The following SLC25A13 variants were observed in gnomAD, a reference collection of about 807,000 sequenced individuals.
The protein encoded by SLC25A13 is solute carrier family 25 member 13.
A neutral mutation model predicts 85.5 loss-of-function variants in SLC25A13; 70 were observed. The ratio of observed to expected loss-of-function variants is 0.82; its 90% confidence interval spans 0.68 to 1.00. The LOEUF (loss-of-function observed/expected upper bound fraction) is 1.00, where lower values mean the gene tolerates loss of function less well. SLC25A13 is among the 50% of genes least tolerant of loss of function. The probability of loss-of-function intolerance (pLI) is 0.00; values close to 1 mark genes in which losing one functional copy is unlikely to be tolerated. For synonymous variants in SLC25A13, 259 were observed against 288.7 expected (o/e 0.90, Z 1.04); for missense variants, 765 against 819.8 (o/e 0.93, Z 0.82).
At chr7:96,253,648 T>G (rs1363902012) in intron 3 of SLC25A13, among the ~76,000 whole-genome samples, 1 of 152,188 alleles carries the variant, frequency 6.6e-6, no homozygotes, top group Non-Finnish European at 1.5e-5. Context: ...TCGAAGCCCT[T>G]TCCTGTATGA....
chr7:96,199,689 GGT>G (rs1180214432), intron 5 of SLC25A13, among the ~76,000 whole-genome samples: 7 of 151,966 alleles, frequency 4.6e-5, no homozygotes, highest in African/African-American at 1.5e-4. Flanking sequence ...CCTCTATTCT[GGT>G]GCATGATGAT....
At chr7:96,307,463 G>A (rs992145569) in intron 1 of SLC25A13, among the ~76,000 whole-genome samples, 8 of 152,188 alleles carry the variant, frequency 5.3e-5, no homozygotes, top group South Asian at 4.1e-4. Context: ...CTACTCAGGA[G>A]GCTGAGGTGG....
At chr7:96,265,160 CCT>C (rs1404296268) in intron 3 of SLC25A13, among the ~76,000 whole-genome samples, 1 of 152,142 alleles carries the variant, frequency 6.6e-6, no homozygotes, top group Non-Finnish European at 1.5e-5. Flanking sequence ...GAACTTTTCT[CCT>C]CTCTGTTACC....
At chr7:96,200,547 AC>A (rs982921983) in intron 5 of SLC25A13, among the ~76,000 whole-genome samples, 1 of 145,294 alleles carries the variant, frequency 6.9e-6, no homozygotes, top group Non-Finnish European at 1.5e-5. Flanking sequence ...ACCTCCCCCC[AC>A]CCCCCATTTG....
intron 3 of SLC25A13, among the ~76,000 whole-genome samples, chr7:96,250,037 G>A (rs930949245): frequency 6.6e-6 from 1 of 152,044 alleles, no homozygotes; most frequent in African/African-American, 2.4e-5. Context: ...ATAAAAATTA[G>A]CCAGGTGTGG....
chr7:96,183,861 G>C (rs1794513643), intron 11 of SLC25A13, among the ~76,000 whole-genome samples: 1 of 152,142 alleles, frequency 6.6e-6, no homozygotes, highest in African/African-American at 2.4e-5. Context: ...GCAAAAGAGA[G>C]CTCTACTGAA....
rs377359177 is a variant in SLC25A13, at chr7:96,184,476, T to C, written c.1019-41A>G. ...ATCATTATCTCAGAAGAAAGTAAGA[T>C]AGGTCAGAAGAAAGAAGAAGGTAGT... On this transcript the variant is annotated intron_variant, in intron 10 of 17. Coordinates refer to ENST00000265631, the MANE Select transcript of SLC25A13 (RefSeq NM_014251.3). The C allele has an allele frequency of 9.7e-5, 154 of 1,591,236 alleles. No individual in the cohort carries two copies. In the African/African-American group the frequency reaches 1.9e-3, roughly 20 times the overall value.
At chr7:96,153,985 G>A (rs1000872454) in intron 13 of SLC25A13, among the ~76,000 whole-genome samples, 2 of 152,144 alleles carry the variant, frequency 1.3e-5, no homozygotes, top group African/African-American at 4.8e-5. Context: ...TAGATTCAAT[G>A]TTGCAAATAC....
At chr7:96,206,817 G>A (rs541764454) in intron 5 of SLC25A13, among the ~76,000 whole-genome samples, 2 of 152,296 alleles carry the variant, frequency 1.3e-5, no homozygotes, top group African/African-American at 4.8e-5. Context: ...ATATCTGGAG[G>A]AAGGCCCAGA....
intron 3 of SLC25A13, among the ~76,000 whole-genome samples, chr7:96,267,273 A>G (rs1682807534): frequency 6.6e-6 from 1 of 152,222 alleles, no homozygotes; most frequent in Non-Finnish European, 1.5e-5. Context: ...AGGTATATAA[A>G]AATGATTTTA....
rs1443224558 is a variant in SLC25A13, at chr7:96,173,177, A to C, written c.1178-1653T>G. On this transcript the variant is annotated intron_variant, in intron 11 of 17. Transcript: ENST00000265631. ...TGAATACAGCTTCATGTTTTCATGG[A>C]AAAATGGGAGGAAGTCCTTCATTGT... Among the ~76,000 whole-genome samples the C allele has an allele frequency of 3.3e-5, 5 of 152,390 alleles. No individual in the cohort carries two copies. The East Asian group carries it at 9.6e-4, about 29-fold the overall frequency.
intron 4 of SLC25A13, among the ~76,000 whole-genome samples, chr7:96,232,283 A>G (rs928685023): frequency 2.0e-5 from 3 of 152,186 alleles, no homozygotes; most frequent in African/African-American, 7.2e-5. Context: ...CATGTCCTCT[A>G]CAGGAACTTG....
chr7:96,189,552 C>CAAAAAAAAAAAAA (rs11335226), intron 8 of SLC25A13, 29 bp downstream of exon 8: 1 of 1,248,462 alleles, frequency 8.0e-7, no homozygotes, highest in African/African-American at 1.7e-5. Flanking sequence ...AAGCTAATTC[C>CAAAAAAAAAAAAA]AAAAAAAAAA....
chr7:96,244,976 G>A (rs1797130820), intron 3 of SLC25A13, among the ~76,000 whole-genome samples: 2 of 150,140 alleles, frequency 1.3e-5, no homozygotes, highest in Admixed American at 1.3e-4. Context: ...ATATATATAG[G>A]CTCTCGTAAT....
At chr7:96,295,373 A>T (rs964788902) in intron 2 of SLC25A13, among the ~76,000 whole-genome samples, 9 of 152,228 alleles carry the variant, frequency 5.9e-5, no homozygotes, top group Non-Finnish European at 1.3e-4. Context: ...AGAAAAGAAA[A>T]TTTTTCAAAC....
rs538570056 is a variant in SLC25A13 at position 96,317,036 on chromosome 7, G to A, written c.15+4906C>T. Among the ~76,000 whole-genome samples the A allele has an allele frequency of 2.9e-3, 439 of 152,144 alleles. 2 individuals are homozygous for A. Among genetic ancestry groups the A allele is most frequent in the African/African-American group, 9.8e-3 (406 of 41,522 alleles). ...CCAGGCTGGAGTGCAATGGCACGAC[G>A]TCAGCTCACTGCAACCTCCGCCTCC... On this transcript the variant is annotated intron_variant, in intron 1 of 17. Coordinates refer to ENST00000265631, the MANE Select transcript of SLC25A13 (RefSeq NM_014251.3).
chr7:96,194,173 G>A (rs1794963334), intron 5 of SLC25A13, among the ~76,000 whole-genome samples: 1 of 151,468 alleles, frequency 6.6e-6, no homozygotes, highest in South Asian at 2.1e-4. Flanking sequence ...AGTAGCTCAT[G>A]CCTGTAATCC....
At chr7:96,188,921 G>A (rs992987396) in intron 9 of SLC25A13, among the ~76,000 whole-genome samples, 2 of 152,304 alleles carry the variant, frequency 1.3e-5, no homozygotes, top group East Asian at 3.9e-4. Context: ...AGCAAAGACG[G>A]CTTTCATTTA....
chr7:96,287,235 C>G (rs1798925495), intron 2 of SLC25A13, among the ~76,000 whole-genome samples: 1 of 152,132 alleles, frequency 6.6e-6, no homozygotes, highest in Admixed American at 6.5e-5. Context: ...GGGTTGGTAC[C>G]ACACTATCCA....
Sources: gnomAD v4.1 joint callset for allele counts (sites outside exome capture counted in the v4.1 genomes callset) on GRCh38, gnomAD v4.1.1 for gene constraint, MANE v1.5 for transcripts, NCBI Gene and HGNC (gene_info 2026-07-23, HGNC 2026-07-21) for gene names.